Variants in PBRM1 observed in about 807,000 individuals in gnomAD.
PBRM1 encodes protein polybromo-1.
PBRM1 carries 27 observed loss-of-function variants against 194.5 expected under a neutral mutation model. The ratio of observed to expected loss-of-function variants is 0.14; its 90% CI spans 0.10 to 0.19. The LOEUF (loss-of-function observed/expected upper bound fraction) is 0.19, where lower values mean the gene tolerates loss of function less well. Among genes scored for constraint, PBRM1 ranks in the 10% least tolerant of loss-of-function variants. The pLI is 1.00. For synonymous variants in PBRM1, 655 were observed against 693.2 expected, an observed-to-expected ratio of 0.94 and a Z score of 0.87; for missense variants, 1,466 against 2,077.2, an observed-to-expected ratio of 0.71 and a Z score of 5.72.
At chr3:52,640,643 C>A (rs2096040158) in intron 10 of PBRM1, among the ~76,000 whole-genome samples, 1 of 149,086 alleles carries the variant, frequency 6.7e-6, no homozygotes, top group Non-Finnish European at 1.5e-5. Context: ...GCCATATAAC[C>A]TCTTTTTCTT....
chr3:52,628,820 T>A, intron 12 of PBRM1, 74 bp downstream of exon 13: 1 of 1,350,596 alleles, frequency 7.4e-7, no homozygotes, highest in Non-Finnish European at 1.1e-6. Flanking sequence ...CACATCTTAC[T>A]AGAACACACT....
chr3:52,597,795 C>T (rs1180474844), intron 17 of PBRM1, among the ~76,000 whole-genome samples: 1 of 152,118 alleles, frequency 6.6e-6, no homozygotes, highest in Non-Finnish European at 1.5e-5. Context: ...CCTCTGCCTC[C>T]CAGGTTCAAG....
At chr3:52,556,288 GAAT>G (rs2082214925) in intron 26 of PBRM1, among the ~76,000 whole-genome samples, 1 of 152,100 alleles carries the variant, frequency 6.6e-6, no homozygotes, top group Admixed American at 6.5e-5. Context: ...ACAAAAATTT[GAAT>G]AATAATCTCT....
At chr3:52,621,585 AAAGT>A (rs1188520676) in intron 13 of PBRM1, among the ~76,000 whole-genome samples, 1 of 152,222 alleles carries the variant, frequency 6.6e-6, no homozygotes, top group African/African-American at 2.4e-5. Flanking sequence ...CATTTTTGGA[AAAGT>A]AATTAACTAC....
intron 1 of PBRM1, among the ~76,000 whole-genome samples, chr3:52,678,871 A>G (rs1040418999): frequency 6.6e-6 from 1 of 152,200 alleles, no homozygotes; most frequent in African/African-American, 2.4e-5. Flanking sequence ...TCTTGCTTAA[A>G]GTCATCCAAT....
chr3:52,582,534 C>G (rs181700396), intron 20 of PBRM1, among the ~76,000 whole-genome samples: 1 of 151,432 alleles, frequency 6.6e-6, no homozygotes, highest in Admixed American at 6.6e-5. Flanking sequence ...CTCAGCCTCC[C>G]AAGTAACTGG....
rs571653724 is a variant in PBRM1, at chr3:52,603,217, C to G, written c.2779+304G>C. 2.2e-3 allele frequency among the ~76,000 whole-genome samples: 339 copies of G among 152,300 alleles called. 1 individual carries two copies. The highest frequency in any genetic ancestry group is 7.6e-3 in the African/African-American group (315 of 41,562). ...GAGAATGCTTTCTAGTTCTAGCTGG[C>G]CTGCTTAGGTTTTGATCTACCAATA... On this transcript the variant is annotated intron_variant, in intron 17 of 29. Coordinates refer to ENST00000296302, the Ensembl canonical transcript of PBRM1.
intron 3 of PBRM1, among the ~76,000 whole-genome samples, chr3:52,663,422 G>T (rs144162332): frequency 6.6e-6 from 1 of 152,296 alleles, no homozygotes; most frequent in East Asian, 1.9e-4. Flanking sequence ...TCAAACCATG[G>T]CACTGAGAGG....
At position 52,609,970 on chromosome 3, in the gene PBRM1, T is replaced by C; in HGVS notation, c.1925-15A>G. On this transcript the variant is annotated splice_polypyrimidine_tract_variant and intron_variant, in intron 15 of 29. Transcript: ENST00000296302. This position sits in a 1 kb window ranked among gnomAD's most constrained non-coding sequence, Gnocchi z 4.1. ...ACTCTTCCTACCTAAAGAGAGATATTTAATGTTAAATGAATAAAATAAATG... is the reference window on the plus strand; with the variant it reads ...ACTCTTCCTACCTAAAGAGAGATATCTAATGTTAAATGAATAAAATAAATG... 1 of 1,415,972 alleles carries C rather than the reference T, an allele frequency of 7.1e-7. No homozygotes were observed. The highest frequency in any genetic ancestry group is 9.4e-7 in the Non-Finnish European group (1 of 1,059,536). The allele number at this position is 1,415,972 out of a possible 1,614,324, so 87.7% of individuals were successfully genotyped here. A position where few individuals can be genotyped will look rare whatever the true frequency, so the allele number is the denominator to read the frequency against.
At chr3:52,570,925 G>T (rs1263894990) in intron 22 of PBRM1, among the ~76,000 whole-genome samples, 3 of 141,858 alleles carry the variant, frequency 2.1e-5, no homozygotes, top group Admixed American at 7.2e-5. Flanking sequence ...GTTTCCTTCT[G>T]TTGTCCAGGC....
intron 5 of PBRM1, among the ~76,000 whole-genome samples, chr3:52,654,505 G>T (rs1236573718): frequency 6.6e-6 from 1 of 152,112 alleles, no homozygotes; most frequent in East Asian, 1.9e-4. Flanking sequence ...ACTTACTAAG[G>T]AAAGGTGAAA....
intron 13 of PBRM1, 128 bp downstream of exon 15, chr3:52,624,769 T>C: frequency 1.5e-6 from 1 of 651,260 alleles, no homozygotes; most frequent in Non-Finnish European, 2.7e-6. Flanking sequence ...ATTCATAAAA[T>C]AAACTGGCAC....
intron 10 of PBRM1, among the ~76,000 whole-genome samples, chr3:52,638,723 A>T (rs1354182170): frequency 1.3e-5 from 2 of 151,740 alleles, no homozygotes; most frequent in African/African-American, 2.4e-5. Context: ...CCTACCAAGT[A>T]GGTAGGACTA....
chr3:52,596,599 G>A (rs150900014), intron 17 of PBRM1, among the ~76,000 whole-genome samples: 13 of 151,988 alleles, frequency 8.6e-5, no homozygotes, highest in Admixed American at 6.6e-4. Flanking sequence ...TCAAGGCAGC[G>A]TGTTCCCTTC....
intron 13 of PBRM1, among the ~76,000 whole-genome samples, chr3:52,621,410 G>A (rs1354457035): frequency 2.0e-5 from 3 of 152,176 alleles, no homozygotes; most frequent in Non-Finnish European, 2.9e-5. Flanking sequence ...TGATCTGCCC[G>A]CCTCGGCCTC....
chr3:52,565,348 A>T (rs2084839298), intron 22 of PBRM1, among the ~76,000 whole-genome samples: 1 of 151,858 alleles, frequency 6.6e-6, no homozygotes, highest in Non-Finnish European at 1.5e-5. Flanking sequence ...TCTACTAAAA[A>T]TACAAAAAAA....
At chr3:52,682,870 GC>G (rs1160178603), upstream of PBRM1, among the ~76,000 whole-genome samples, 1 of 152,128 alleles carries the variant, frequency 6.6e-6, no homozygotes, top group African/African-American at 2.4e-5. Context: ...GACCAGACTG[GC>G]CAACGTGGTG....
intron 17 of PBRM1, among the ~76,000 whole-genome samples, chr3:52,594,312 C>T (rs978251437): frequency 6.6e-6 from 1 of 152,198 alleles, no homozygotes; most frequent in Non-Finnish European, 1.5e-5. Flanking sequence ...GAAATGAACC[C>T]TTTACCATTA....
chr3:52,580,398 G>A (rs929074038), intron 20 of PBRM1, among the ~76,000 whole-genome samples: 6 of 151,720 alleles, frequency 4.0e-5, no homozygotes, highest in Non-Finnish European at 2.9e-5. Flanking sequence ...TCCCTCTGTC[G>A]CCCAGGCTGG....
Sources: allele counts gnomAD v4.1 joint callset (sites outside exome capture counted in the v4.1 genomes callset), GRCh38; gene constraint gnomAD v4.1.1; non-coding constraint Gnocchi (gnomAD v3.1); transcripts MANE v1.5; gene names NCBI Gene and HGNC (gene_info 2026-07-23, HGNC 2026-07-21).